The following TMTC1 variants were observed in gnomAD, a reference collection of about 807,000 sequenced individuals.
The protein encoded by TMTC1 is transmembrane O-mannosyltransferase targeting cadherins 1.
In TMTC1, 73 loss-of-function variants were observed where a neutral mutation model predicts 104.8. The ratio of observed to expected loss-of-function variants is 0.70; its 90% CI spans 0.58 to 0.85. The LOEUF (loss-of-function observed/expected upper bound fraction) is 0.85. TMTC1 is among the 40% of genes least tolerant of loss of function. TMTC1 has a pLI of 0.00. For missense variants in TMTC1, 1,035 were observed against 1,096.1 expected, an observed-to-expected ratio of 0.94 and a Z score of 0.79; for synonymous variants, 434 against 428.7, an observed-to-expected ratio of 1.01 and a Z score of -0.15.
chr12:29,627,978 A>G (rs1016496096), intron 6 of TMTC1, among the ~76,000 whole-genome samples: 3 of 152,234 alleles, frequency 2.0e-5, no homozygotes, highest in Non-Finnish European at 1.5e-5. Context: ...ATATAACCAG[A>G]GAGAATCATG....
chr12:29,679,383 G>A (rs1198370181), intron 5 of TMTC1, among the ~76,000 whole-genome samples: 1 of 151,996 alleles, frequency 6.6e-6, no homozygotes, highest in Admixed American at 6.6e-5. Context: ...TACTTCTATA[G>A]TCAGAACAAA....
At chr12:29,551,856 C>T (rs1269094944) in intron 10 of TMTC1, among the ~76,000 whole-genome samples, 1 of 150,004 alleles carries the variant, frequency 6.7e-6, no homozygotes, top group Non-Finnish European at 1.5e-5. Flanking sequence ...ATTAAGAATG[C>T]TGGCATGGAA....
intron 10 of TMTC1, among the ~76,000 whole-genome samples, chr12:29,554,499 G>C (rs1259232818): frequency 6.6e-6 from 1 of 152,188 alleles, no homozygotes; most frequent in Non-Finnish European, 1.5e-5. Flanking sequence ...AAGCAGAGCA[G>C]TGTATTAAGG....
rs1197756341 is a variant in TMTC1 at position 29,504,851 on chromosome 12, T to G, written c.*1995A>C. On this transcript the variant is annotated 3_prime_UTR_variant, in exon 18 of 18. Transcript: ENST00000539277. ...TTCATTACAGATTATTCTGAAAAGT[T>G]GTAATAAAGTCCTAGACATTCACTT... 2.0e-5 allele frequency: 3 copies of G among 152,216 alleles called. No individual in the cohort carries two copies. Among genetic ancestry groups the G allele is most frequent in the African/African-American group, 7.2e-5 (3 of 41,452 alleles). The allele number at this position is 152,216 out of a possible 1,614,324, so 9.4% of individuals were successfully genotyped here.
intron 5 of TMTC1, among the ~76,000 whole-genome samples, chr12:29,635,068 A>C (rs1178182310): frequency 6.6e-6 from 1 of 152,188 alleles, no homozygotes; most frequent in Non-Finnish European, 1.5e-5. Context: ...TGGCTATTTA[A>C]ATGATGTTCA....
At chr12:29,525,158 CTTTTTTTTTTTTTTTTTTTTTTTTTTT>C (rs56395403) in intron 11 of TMTC1, among the ~76,000 whole-genome samples, 36 of 46,132 alleles carry the variant, frequency 7.8e-4, no homozygotes, top group African/African-American at 2.4e-4. Flanking sequence ...CAAGGGCAGT[CTTTTTTTTTTTTTTTTTTTTTTTTTTT>C]TTTTTTTTTT....
intron 5 of TMTC1, among the ~76,000 whole-genome samples, chr12:29,674,887 A>G (rs973584282): frequency 1.3e-5 from 2 of 152,228 alleles, no homozygotes; most frequent in African/African-American, 4.8e-5. Context: ...CTGATCTACT[A>G]CTATGATTAT....
chr12:29,645,572 C>T (rs940741719), intron 5 of TMTC1, among the ~76,000 whole-genome samples: 1 of 152,150 alleles, frequency 6.6e-6, no homozygotes, highest in Non-Finnish European at 1.5e-5. Context: ...AGAATGTTAG[C>T]AACTTCTTAC....
chr12:29,620,567 T>A (rs1947105126), intron 6 of TMTC1, among the ~76,000 whole-genome samples: 1 of 152,196 alleles, frequency 6.6e-6, no homozygotes, highest in Non-Finnish European at 1.5e-5. Flanking sequence ...TAAAAGTATG[T>A]GGGAAGGTCA....
At chr12:29,652,685 G>A (rs73269854) in intron 5 of TMTC1, among the ~76,000 whole-genome samples, 2,585 of 152,250 alleles carry the variant, frequency 0.017, 66 homozygotes, top group African/African-American at 0.058. Flanking sequence ...GATAAGATAT[G>A]GTTTCTGCCC....
chr12:29,577,133 T>C (rs1315533790), intron 8 of TMTC1, among the ~76,000 whole-genome samples: 1 of 152,170 alleles, frequency 6.6e-6, no homozygotes, highest in African/African-American at 2.4e-5. Flanking sequence ...TTTTTAAATG[T>C]ACAGATGCTA....
At chr12:29,547,727 G>A (rs1944978571) in intron 10 of TMTC1, among the ~76,000 whole-genome samples, 1 of 152,200 alleles carries the variant, frequency 6.6e-6, no homozygotes, top group East Asian at 1.9e-4. Flanking sequence ...AAGGAGGAAA[G>A]TGGCAGGATT....
intron 5 of TMTC1, among the ~76,000 whole-genome samples, chr12:29,649,559 A>T (rs1437880461): frequency 6.6e-6 from 1 of 152,230 alleles, no homozygotes; most frequent in African/African-American, 2.4e-5. Context: ...AGAAAATGGA[A>T]ATTAATATCA....
At chr12:29,718,548 A>C (rs940008222) in intron 5 of TMTC1, among the ~76,000 whole-genome samples, 7 of 152,224 alleles carry the variant, frequency 4.6e-5, no homozygotes, top group African/African-American at 1.7e-4. Flanking sequence ...CAGGGATTTC[A>C]GATGCCATCC....
intron 5 of TMTC1, among the ~76,000 whole-genome samples, chr12:29,633,638 T>C (rs2136509853): frequency 6.6e-6 from 1 of 152,288 alleles, no homozygotes; most frequent in South Asian, 2.1e-4. Flanking sequence ...CAACTGGAAA[T>C]GAATGCTAGG....
At chr12:29,586,455 A>G (rs1946136573) in intron 7 of TMTC1, among the ~76,000 whole-genome samples, 1 of 152,194 alleles carries the variant, frequency 6.6e-6, no homozygotes, top group Non-Finnish European at 1.5e-5. Flanking sequence ...TGCCCTGGCC[A>G]GAACTTCCAA....
Position 29,528,605 on chromosome 12 carries a change from T to C in TMTC1, c.1785+7604A>G, listed in dbSNP as rs1944412810. 2.6e-5 allele frequency among the ~76,000 whole-genome samples: 4 copies of C among 152,212 alleles called. 1 individual carries two copies. The South Asian group carries it at 8.3e-4, about 31-fold the overall frequency. On this transcript the variant is annotated intron_variant, in intron 11 of 17. Transcript: ENST00000539277. Reference sequence around the variant, plus strand: ...AAATAGATGTCCTGAAAAAGGACCCTTGACTGTAATTTACTGTCTTGAGCC... The same window carrying C: ...AAATAGATGTCCTGAAAAAGGACCCCTGACTGTAATTTACTGTCTTGAGCC...
At chr12:29,685,699 G>A (rs1346328031) in intron 5 of TMTC1, among the ~76,000 whole-genome samples, 1 of 152,042 alleles carries the variant, frequency 6.6e-6, no homozygotes, top group African/African-American at 2.4e-5. Flanking sequence ...CCTGTTCAAT[G>A]AGTACAATTA....
At chr12:29,640,738 T>C (rs34369961) in intron 5 of TMTC1, 6,311 of 152,224 alleles carry the variant, frequency 0.041, 160 homozygotes, top group African/African-American at 0.062. Flanking sequence ...TAGCTGAACT[T>C]TGTAACAGTT....
Sources: gnomAD v4.1 joint callset for allele counts (sites outside exome capture counted in the v4.1 genomes callset) on GRCh38, gnomAD v4.1.1 for gene constraint, MANE v1.5 for transcripts, NCBI Gene and HGNC (gene_info 2026-07-23, HGNC 2026-07-21) for gene names.